ANKRD26: variants seen among roughly 807,000 people sequenced by gnomAD.
The protein encoded by ANKRD26 is ankyrin repeat domain-containing protein 26.
A neutral mutation model predicts 208.7 loss-of-function variants in ANKRD26; 141 were observed. The observed-to-expected ratio is 0.68, with a 90% CI of 0.59 to 0.78. The LOEUF (loss-of-function observed/expected upper bound fraction) is 0.78, where lower values mean the gene tolerates loss of function less well. Among genes scored for constraint, ANKRD26 ranks in the 30% least tolerant of loss-of-function variants. The pLI, the probability that ANKRD26 is intolerant of heterozygous loss-of-function variation, is 0.00. For synonymous variants in ANKRD26, 636 were observed against 660.4 expected (o/e 0.96, Z 0.57); for missense variants, 1,889 against 1,938.7 (o/e 0.97, Z 0.48).
downstream of ANKRD26, among the ~76,000 whole-genome samples, chr10:26,988,189 C>G (rs530489877): frequency 6.6e-6 from 1 of 152,186 alleles, no homozygotes; most frequent in East Asian, 1.9e-4. Flanking sequence ...CCTACAATAG[C>G]CAGCCAGCCC....
At chr10:27,006,708 G>A (rs562086284) in intron 33 of ANKRD26, among the ~76,000 whole-genome samples, 5 of 152,290 alleles carry the variant, frequency 3.3e-5, no homozygotes, top group African/African-American at 1.2e-4. Context: ...TAAAGCTATG[G>A]AACATGATGA....
chr10:27,033,032 G>A (rs1400781007), intron 25 of ANKRD26, among the ~76,000 whole-genome samples, 193 bp downstream of exon 25: 5 of 148,170 alleles, frequency 3.4e-5, no homozygotes, highest in Non-Finnish European at 7.5e-5. Context: ...CCGAGATCGC[G>A]CCACTGTGCC....
chr10:27,002,917 T>A (rs1045905028), downstream of ANKRD26, among the ~76,000 whole-genome samples: 2 of 146,946 alleles, frequency 1.4e-5, no homozygotes, highest in Non-Finnish European at 3.0e-5. Flanking sequence ...AGTATCTTAA[T>A]TTTTTAAATT....
At chr10:26,966,700 C>T in the ANKRD26 span, among the ~76,000 whole-genome samples, 424 of 152,182 alleles carry the variant, frequency 2.8e-3, 5 homozygotes, top group Middle Eastern at 6.8e-3. Flanking sequence ...GCAAGGAAGG[C>T]GTAGTACAGT....
intron 7 of ANKRD26, among the ~76,000 whole-genome samples, chr10:27,078,777 T>A (rs1247649892): frequency 6.6e-6 from 1 of 152,064 alleles, no homozygotes; most frequent in Non-Finnish European, 1.5e-5. Context: ...TTGACCAAAT[T>A]TCATATTTCC....
chr10:27,005,445 T>G lies in ANKRD26; in HGVS notation c.*145A>C. Reference sequence around the variant, plus strand: ...CCACTTAAAAGTTAAAGAAGCCAAGTAACATTGTTTAAAATACTATATAAA... The same window carrying G: ...CCACTTAAAAGTTAAAGAAGCCAAGGAACATTGTTTAAAATACTATATAAA... On this transcript the variant is annotated 3_prime_UTR_variant, in exon 34 of 34. Coordinates refer to ENST00000376087, the MANE Select transcript of ANKRD26 (RefSeq NM_014915.3). The G allele has an allele frequency of 7.1e-7, 1 of 1,406,268 alleles. No individual in the cohort carries two copies. The highest frequency in any genetic ancestry group is 2.7e-5 in the East Asian group (1 of 36,490). The allele number at this position is 1,406,268 out of a possible 1,614,324, so 87.1% of individuals were successfully genotyped here.
chr10:27,049,073 C>T, intron 16 of ANKRD26, 94 bp from the exon 17 acceptor site: 1 of 1,088,732 alleles, frequency 9.2e-7, no homozygotes, highest in Non-Finnish European at 1.3e-6. Context: ...CTCAGTTTAA[C>T]TATGGTAACT....
Position 27,053,329 on chromosome 10 carries a change from G to A in ANKRD26, c.1626C>T (p.Asn542=), listed in dbSNP as rs1304409742. 2 of 1,607,386 alleles carry A rather than the reference G, an allele frequency of 1.2e-6. No individual in the cohort carries two copies. Among genetic ancestry groups the A allele is most frequent in the Non-Finnish European group, 8.5e-7 (1 of 1,176,252 alleles). Residue 542 remains asparagine (N), a synonymous_variant, in exon 16 of 34, where the codon AAC becomes AAT. Coordinates refer to ENST00000376087, the MANE Select transcript of ANKRD26 (RefSeq NM_014915.3). ...TAAAAATATATAATACCTGTGGCTG[G>A]TTATTTTCACTCCCTTCCCTTTCTT... ...EEQEREGSEN[N]QPQVEEERKK...
chr10:27,027,574 T>TTTTTTAA (rs1459562788), intron 27 of ANKRD26, among the ~76,000 whole-genome samples: 1 of 152,196 alleles, frequency 6.6e-6, no homozygotes, highest in African/African-American at 2.4e-5. Context: ...TAGTCTATCA[T>TTTTTTAA]AATCTTTTTT....
chr10:26,955,675 C>T, the ANKRD26 span, among the ~76,000 whole-genome samples: 3 of 152,066 alleles, frequency 2.0e-5, no homozygotes, highest in African/African-American at 7.2e-5. Flanking sequence ...GGCAAAGTAG[C>T]CTTTAAATAA....
At chr10:26,998,314 T>C (rs1381982409) in intron 4 of ANKRD26, among the ~76,000 whole-genome samples, 1 of 152,260 alleles carries the variant, frequency 6.6e-6, no homozygotes, top group African/African-American at 2.4e-5. Flanking sequence ...CTAGATTTTA[T>C]TCAATCCACA....
rs1442194994 is a variant in ANKRD26 at position 27,029,258 on chromosome 10, T to A, written c.3878+28A>T. 6 of 1,591,060 alleles carry A rather than the reference T, an allele frequency of 3.8e-6. No individual in the cohort carries two copies. The Admixed American group carries it at 5.2e-5, about 14-fold the overall frequency. Reference sequence around the variant, plus strand: ...CTTATTTGCTCTATAAATAATCATGTTTTTCTGTGTGCTGCTTTAAATTTT... The same window carrying A: ...CTTATTTGCTCTATAAATAATCATGATTTTCTGTGTGCTGCTTTAAATTTT... On this transcript the variant is annotated intron_variant, in intron 26 of 33. Transcript: ENST00000376087.
At chr10:27,059,125 G>A (rs867057623) in intron 15 of ANKRD26, among the ~76,000 whole-genome samples, 51 of 150,938 alleles carry the variant, frequency 3.4e-4, no homozygotes, top group African/African-American at 1.0e-3. Flanking sequence ...CGTGTTAGCC[G>A]GGATGGTCTC....
intron 30 of ANKRD26, among the ~76,000 whole-genome samples, chr10:27,015,369 G>A (rs2134939471): frequency 6.6e-6 from 1 of 152,378 alleles, no homozygotes; most frequent in African/African-American, 2.4e-5. Context: ...GAATCACCTG[G>A]ACTACAAGTA....
chr10:27,057,443 C>A (rs1396548062), intron 15 of ANKRD26, among the ~76,000 whole-genome samples: 3 of 152,116 alleles, frequency 2.0e-5, no homozygotes, highest in East Asian at 1.9e-4. Flanking sequence ...TATGAACAAA[C>A]TTTATGTCTA....
At position 26,995,358 on chromosome 10, in the gene ANKRD26, G is replaced by A. The variant is rs115121411; in HGVS notation, c.563-211C>T. 3.3e-3 allele frequency among the ~76,000 whole-genome samples: 504 copies of A among 152,280 alleles called. 2 individuals are homozygous for A. Among genetic ancestry groups the A allele is most frequent in the African/African-American group, 0.011 (467 of 41,548 alleles). On this transcript the variant is annotated intron_variant, in intron 4 of 5. Transcript: ENST00000445828. ...CTTGTATAGAAGGGAAGTGGCTGAT[G>A]TTGCTCTCATACAGTGAGGCAGCCC...
intron 4 of ANKRD26, 103 bp from the exon 5 acceptor site, chr10:27,086,712 A>G: frequency 7.6e-7 from 1 of 1,317,728 alleles, no homozygotes; most frequent in South Asian, 1.4e-5. Flanking sequence ...CAGAGCTAAC[A>G]GCAGAATTTT....
chr10:26,987,967 T>C (rs140842387), downstream of ANKRD26, among the ~76,000 whole-genome samples: 414 of 152,302 alleles, frequency 2.7e-3, 1 homozygote, highest in African/African-American at 9.4e-3. Context: ...TTCTGGTCAG[T>C]AGCCCAGGTG....
At chr10:27,033,429 T>C (rs751042672) in intron 24 of ANKRD26, 52 bp from the exon 25 acceptor site, 1 of 1,528,644 alleles carries the variant, frequency 6.5e-7, no homozygotes, top group Non-Finnish European at 8.9e-7. Context: ...TATTAAGTTA[T>C]GTTAAAAAAT....
Sources: gnomAD v4.1 joint callset for allele counts (sites outside exome capture counted in the v4.1 genomes callset) on GRCh38, gnomAD v4.1.1 for gene constraint, MANE v1.5 for transcripts, NCBI Gene and HGNC (gene_info 2026-07-23, HGNC 2026-07-21) for gene names.